SPEN: variants seen among roughly 807,000 people sequenced by gnomAD.
The protein encoded by SPEN is spen family transcriptional repressor.
SPEN carries 18 observed loss-of-function variants against 269.9 expected under a neutral mutation model. That is an observed-to-expected ratio of 0.07 (90% CI 0.05 to 0.10). SPEN has a LOEUF of 0.10. Ranked by LOEUF, SPEN falls within the 10% of genes least tolerant of loss-of-function variation. The probability of loss-of-function intolerance (pLI) is 1.00; values close to 1 mark genes in which losing one functional copy is unlikely to be tolerated. For missense variants in SPEN, 3,822 were observed against 4,631.2 expected (o/e 0.83, Z 5.07); for synonymous variants, 1,726 against 1,765.7 (o/e 0.98, Z 0.56).
intron 3 of SPEN, among the ~76,000 whole-genome samples, chr1:15,886,818 T>A (rs1263056212): frequency 6.6e-6 from 1 of 152,206 alleles, no homozygotes. Flanking sequence ...TTAGTCCATT[T>A]GAAATAAAGA....
intron 3 of SPEN, among the ~76,000 whole-genome samples, chr1:15,888,535 G>T (rs2070757319): frequency 6.6e-6 from 1 of 151,828 alleles, no homozygotes; most frequent in Non-Finnish European, 1.5e-5. Context: ...TATTGGTCAG[G>T]CTGGTCTCGA....
At chr1:15,921,640 A>G (rs1020990644) in intron 9 of SPEN, among the ~76,000 whole-genome samples, 3 of 152,212 alleles carry the variant, frequency 2.0e-5, no homozygotes, top group African/African-American at 7.2e-5. Context: ...AGCATCCTGA[A>G]TGATATGTCT....
At chr1:15,884,085 C>T (rs1305260332) in intron 3 of SPEN, among the ~76,000 whole-genome samples, 1 of 152,156 alleles carries the variant, frequency 6.6e-6, no homozygotes, top group Non-Finnish European at 1.5e-5. Flanking sequence ...GCTGGGATTA[C>T]AGGCATGAGC....
At chr1:15,938,961 C>G in intron 14 of SPEN, 85 bp downstream of exon 14, 2 of 1,511,446 alleles carry the variant, frequency 1.3e-6, no homozygotes, top group East Asian at 4.6e-5. Context: ...CTGGTGCCCA[C>G]TAGATCTGGC....
chr1:15,900,193 G>A (rs2148723598), intron 3 of SPEN, among the ~76,000 whole-genome samples: 1 of 152,258 alleles, frequency 6.6e-6, no homozygotes. Flanking sequence ...AAATTATAAA[G>A]CAAAATACCC....
At chr1:15,926,400 C>CAT (rs1314568434) in intron 10 of SPEN, among the ~76,000 whole-genome samples, 1 of 151,148 alleles carries the variant, frequency 6.6e-6, no homozygotes, top group African/African-American at 2.5e-5. Context: ...CACACACACA[C>CAT]ACACACACAC....
rs1570069096 is a variant in SPEN, at chr1:15,934,466, A to G, written c.8226A>G (p.Thr2742=). The change falls in exon 11 of 15, where the codon ACA becomes ACG. Residue 2742 remains threonine, a synonymous_variant. Transcript: ENST00000375759. This position sits in a 1 kb window ranked among gnomAD's most constrained non-coding sequence, Gnocchi z 9.2. ...VNATASAVTV[T]AGAVTAASGG... ...CCACAGCAAGTGCAGTGACCGTCACAGCGGGTGCGGTTACTGCTGCATCTG... is the reference window on the plus strand; with the variant it reads ...CCACAGCAAGTGCAGTGACCGTCACGGCGGGTGCGGTTACTGCTGCATCTG... 4 of 1,614,082 alleles carry G rather than the reference A, an allele frequency of 2.5e-6. No homozygotes were observed. Among genetic ancestry groups the G allele is most frequent in the Non-Finnish European group, 3.4e-6 (4 of 1,180,046 alleles).
rs962046575 is a variant in SPEN, at chr1:15,918,873, T to A, written c.1396-53T>A. 6 of 1,491,264 alleles carry A rather than the reference T, an allele frequency of 4.0e-6. No homozygotes were observed. In the African/African-American group the frequency reaches 8.3e-5, roughly 21 times the overall value. The allele number at this position is 1,491,264 out of a possible 1,614,324, so 92.4% of individuals were successfully genotyped here. ...AATACCCTATATGGACTTGGTTCAT[T>A]CTAATTTATTTTCTTGGGCATATTG... On this transcript the variant is annotated intron_variant, in intron 6 of 14. Transcript: ENST00000375759.
intron 3 of SPEN, among the ~76,000 whole-genome samples, chr1:15,899,322 A>G (rs1219774362): frequency 1.3e-5 from 2 of 152,052 alleles, no homozygotes; most frequent in Non-Finnish European, 2.9e-5. Context: ...CTACAGGCAC[A>G]TACCACCATG....
chr1:15,905,300 C>T (rs1043070011), intron 3 of SPEN, among the ~76,000 whole-genome samples: 2 of 151,952 alleles, frequency 1.3e-5, no homozygotes, highest in Admixed American at 6.6e-5. Context: ...CGGCTCACTG[C>T]AACCTCCGCC....
chr1:15,918,581 A>T (rs2071088082), intron 6 of SPEN, among the ~76,000 whole-genome samples: 4 of 152,196 alleles, frequency 2.6e-5, no homozygotes, highest in Admixed American at 2.6e-4. Context: ...GAAGGGAATT[A>T]TTTCTTAGGA....
At position 15,934,524 on chromosome 1, in the gene SPEN, A is replaced by C. The variant is rs145011469; in HGVS notation, c.8284A>C (p.Met2762Leu). The C allele has an allele frequency of 3.2e-4, 522 of 1,614,006 alleles. 1 individual carries two copies. The highest frequency in any genetic ancestry group is 4.2e-4 in the Non-Finnish European group (498 of 1,180,054). Reference sequence around the variant, plus strand: ...AACGGCCACAACAGGCACGGTGACAATGGCAGGGGCAGTGATTGCGCCGTC... The same window carrying C: ...AACGGCCACAACAGGCACGGTGACACTGGCAGGGGCAGTGATTGCGCCGTC... ...GVTATTGTVT[M>L]AGAVIAPSTK... The change falls in exon 11 of 15, where the codon ATG becomes CTG. Residue 2762 changes from methionine to leucine, a missense_variant. Met to Leu is a conservative substitution (Grantham distance 15). This residue lies in a region of SPEN where 329 missense variants were observed against 431.2 expected (regional missense o/e 0.76). Transcript: ENST00000375759. The surrounding 1 kb of genome is among the most constrained non-coding windows in gnomAD (Gnocchi z 9.2).
In SPEN at chr1:15,935,988, G is replaced by A. The variant is rs369155141; in HGVS notation, c.9748G>A (p.Val3250Ile). 4.5e-5 allele frequency: 29 copies of A among 642,982 alleles called. No homozygotes were observed. The highest frequency in any genetic ancestry group is 2.2e-4 in the African/African-American group (5 of 22,776). 39.8% of individuals were successfully genotyped at this position (642,982 alleles called of 1,614,324 possible). ...KAAPTPTPAP[V>I]PVPVPLPAPA... Reference sequence around the variant, plus strand: ...TGCCCCCACCCCCACCCCTGCCCCCGTCCCTGTCCCTGTCCCCCTTCCTGC... The same window carrying A: ...TGCCCCCACCCCCACCCCTGCCCCCATCCCTGTCCCTGTCCCCCTTCCTGC... Residue 3250 changes from valine to isoleucine, a missense_variant, in exon 11 of 15, where the codon GTC becomes ATC. Val to Ile is a conservative substitution (Grantham distance 29, BLOSUM62 3). Coordinates refer to ENST00000375759, the MANE Select transcript of SPEN (RefSeq NM_015001.3). The surrounding 1 kb of genome is among the most constrained non-coding windows in gnomAD (Gnocchi z 7.7).
At chr1:15,852,252 A>G (rs1256348449) in intron 1 of SPEN, among the ~76,000 whole-genome samples, 1 of 152,148 alleles carries the variant, frequency 6.6e-6, no homozygotes, top group African/African-American at 2.4e-5. Flanking sequence ...GAAGGTTTCT[A>G]TGAAACCACT....
At chr1:15,917,539 G>A (rs1388321917) in intron 6 of SPEN, among the ~76,000 whole-genome samples, 2 of 152,052 alleles carry the variant, frequency 1.3e-5, no homozygotes, top group East Asian at 3.9e-4. Flanking sequence ...ACAGGCGCCC[G>A]CCACCATGCC....
chr1:15,928,227 A>G lies in SPEN; in HGVS notation c.1987A>G (p.Thr663Ala), dbSNP rs1275068342. The change falls in exon 11 of 15, where the codon ACT becomes GCT. Residue 663 changes from threonine (T) to alanine (A), a missense_variant. This residue lies in a region of SPEN where 230 missense variants were observed against 426.1 expected (regional missense o/e 0.54). Coordinates refer to ENST00000375759, the MANE Select transcript of SPEN (RefSeq NM_015001.3). This position sits in a 1 kb window ranked among gnomAD's most constrained non-coding sequence, Gnocchi z 5.7. ...GAGAGAGTTTTATTCAGAATGGGAA[A>G]CTTACCAAGGAGACTACTATGAATC... is the stretch of plus-strand genomic sequence containing the variant. The part of the protein sequence containing the change: ...RGREFYSEWE[T>A]YQGDYYESRY... The G allele has an allele frequency of 1.2e-6, 2 of 1,614,202 alleles. No individual in the cohort carries two copies.
In SPEN at chr1:15,866,783, C is replaced by T. The variant is rs368047996; in HGVS notation, c.84-6033C>T. Among the ~76,000 whole-genome samples the T allele has an allele frequency of 2.0e-3, 311 of 152,146 alleles. 2 individuals are homozygous for T. The highest frequency in any genetic ancestry group is 0.014 in the South Asian group (69 of 4,824). On this transcript the variant is annotated intron_variant, in intron 1 of 14. Transcript: ENST00000375759. ...AGCAGATTTTGACTATCATCAGCAC[C>T]TCATCATATATAACGTTCCTAGTTA...
At chr1:15,927,626 A>G (rs1219374125) in intron 10 of SPEN, among the ~76,000 whole-genome samples, 1 of 152,158 alleles carries the variant, frequency 6.6e-6, no homozygotes, top group Non-Finnish European at 1.5e-5. Flanking sequence ...GTGTGGGGAT[A>G]TTGTCCAGTA....
rs1421474979 is a variant in SPEN at position 15,848,226 on chromosome 1, C to T, written c.83+76C>T. 7.1e-6 allele frequency: 8 copies of T among 1,127,372 alleles called. No individual in the cohort carries two copies. The highest frequency in any genetic ancestry group is 9.7e-6 in the Non-Finnish European group (8 of 825,118). The allele number at this position is 1,127,372 out of a possible 1,614,324, so 69.8% of individuals were successfully genotyped here. Reference sequence around the variant, plus strand: ...CGCCCCGGCCCGTTGCCGGCCCCTCCCGGAGCGCGGAGCTGGTGAGGAGGA... The same window carrying T: ...CGCCCCGGCCCGTTGCCGGCCCCTCTCGGAGCGCGGAGCTGGTGAGGAGGA... On this transcript the variant is annotated intron_variant, in intron 1 of 14. Coordinates refer to ENST00000375759, the MANE Select transcript of SPEN (RefSeq NM_015001.3). This position sits in a 1 kb window ranked among gnomAD's most constrained non-coding sequence, Gnocchi z 5.1.
Sources: gnomAD v4.1 joint callset for allele counts (sites outside exome capture counted in the v4.1 genomes callset) on GRCh38, gnomAD v4.1.1 for gene constraint, gnomAD v4.1.1 regional missense constraint, Gnocchi (gnomAD v3.1) non-coding constraint, MANE v1.5 for transcripts, NCBI Gene and HGNC (gene_info 2026-07-23, HGNC 2026-07-21) for gene names.